The following LGI3 variants were observed in gnomAD, a reference collection of about 807,000 sequenced individuals.
LGI3 encodes leucine-rich repeat LGI family member 3.
A neutral mutation model predicts 55.4 loss-of-function variants in LGI3; 47 were observed. The observed-to-expected ratio is 0.85, with a 90% CI of 0.67 to 1.08. The LOEUF is 1.08. Ranked by LOEUF, LGI3 falls within the 50% of genes least tolerant of loss-of-function variation. LGI3 has a pLI of 0.00. For missense variants in LGI3, 664 were observed against 726.3 expected, an observed-to-expected ratio of 0.91 and a Z score of 0.99; for synonymous variants, 326 against 315.0, an observed-to-expected ratio of 1.04 and a Z score of -0.37.
Position 22,148,129 on chromosome 8 carries a change from A to G in LGI3, c.*31T>C, listed in dbSNP as rs1586405220. The G allele has an allele frequency of 3.9e-6, 6 of 1,536,330 alleles. No homozygotes were observed. The highest frequency in any genetic ancestry group is 5.3e-6 in the Non-Finnish European group (6 of 1,141,970). On this transcript the variant is annotated 3_prime_UTR_variant, in exon 8 of 8. Transcript: ENST00000306317. The surrounding 1 kb of genome is among the most constrained non-coding windows in gnomAD (Gnocchi z 7.0). ...GGCCCCCACCCATCCTCCAGTGGCC[A>G]CCCTGAGGAGACCAGAGGCCTCGGC...
intron 3 of LGI3, 80 bp from the exon 4 acceptor site, chr8:22,154,293 G>T: frequency 8.3e-7 from 1 of 1,200,472 alleles, no homozygotes; most frequent in Non-Finnish European, 1.2e-6. Context: ...CCCCAGCCTA[G>T]ATTTCAGCCC....
intron 2 of LGI3, 32 bp downstream of exon 2, chr8:22,155,360 C>A (rs755127020): frequency 6.2e-7 from 1 of 1,604,606 alleles, no homozygotes; most frequent in South Asian, 1.1e-5. Context: ...CCCCATAGTT[C>A]CCCCAACCCT....
Position 22,155,445 on chromosome 8 carries a change from G to A in LGI3, c.225C>T (p.Ala75=), listed in dbSNP as rs745814246. 6 of 1,613,736 alleles carry A rather than the reference G, an allele frequency of 3.7e-6. No individual in the cohort carries two copies. The highest frequency in any genetic ancestry group is 5.1e-6 in the Non-Finnish European group (6 of 1,180,002). Residue 75 remains alanine (A), a synonymous_variant, in exon 2 of 8, where the codon GCC becomes GCT. Coordinates refer to ENST00000306317, the MANE Select transcript of LGI3 (RefSeq NM_139278.4). ...EVISLTLVNA[A]FSEIQDGAFS... is the part of the protein sequence containing the mutation. The stretch of plus-strand genomic sequence containing the variant: ...ACGCTCCATCCTGGATCTCTGAGAA[G>A]GCGGCATTCACCAGGGTCCTGCGGG...
chr8:22,155,158 TC>T, intron 2 of LGI3: 3 of 559,748 alleles, frequency 5.4e-6, no homozygotes, highest in Non-Finnish European at 9.6e-6. Flanking sequence ...CATCCCCGCA[TC>T]CCACTTGCTT....
intron 1 of LGI3, 26 bp downstream of exon 1, chr8:22,156,311 C>A (rs373863751): frequency 3.7e-6 from 6 of 1,609,320 alleles, no homozygotes; most frequent in Non-Finnish European, 5.1e-6. Flanking sequence ...CCTCCCCAAC[C>A]CCCAAGGCCA....
rs775717889 is a variant in LGI3, at chr8:22,156,423, C to A, written c.120G>T (p.Pro40=). 1.9e-6 allele frequency: 3 copies of A among 1,585,138 alleles called. No individual in the cohort carries two copies. The highest frequency in any genetic ancestry group is 2.3e-5 in the South Asian group (2 of 88,006). ...TGTCCCTGGTGCAAGAGCAGCTGGG[C>A]GGGCAGGGGGGCGTCTTGGGGGGCC... The part of the protein sequence containing the change: ...AKRPPKTPPC[P]PSCSCTRDTA... The change falls in exon 1 of 8, where the codon CCG becomes CCT. Residue 40 remains proline (P), a synonymous_variant. Transcript: ENST00000306317.
In LGI3 at chr8:22,156,347, C is replaced by A; in HGVS notation, c.196G>T (p.Val66Phe). The change falls in exon 1 of 8, where the codon GTC (valine) becomes TTC (phenylalanine). Residue 66 changes from valine to phenylalanine, a missense_variant. Physicochemically the swap from Val to Phe is conservative, Grantham distance 50. Transcript: ENST00000306317. ...KAVPRNLPSE[V>F]ISLTLVNAAF... ...GGGCTGGACACTCACAGGGAGATGACCTCCGAGGGCAGGTTCCTGGGCACC... is the reference window on the plus strand; with the variant it reads ...GGGCTGGACACTCACAGGGAGATGAACTCCGAGGGCAGGTTCCTGGGCACC... 6.2e-7 allele frequency: 1 copy of A among 1,609,716 alleles called. No homozygotes were observed. The highest frequency in any genetic ancestry group is 8.5e-7 in the Non-Finnish European group (1 of 1,178,740).
chr8:22,147,964 C>T lies in LGI3; in HGVS notation c.*196G>A, dbSNP rs760665102. The T allele has an allele frequency of 3.4e-5, 19 of 553,604 alleles. No individual in the cohort carries two copies. Among genetic ancestry groups the T allele is most frequent in the Non-Finnish European group, 5.7e-5 (18 of 315,602 alleles). The allele number at this position is 553,604 out of a possible 1,614,324, so 34.3% of individuals were successfully genotyped here. A position where few individuals can be genotyped will look rare whatever the true frequency, so the allele number is the denominator to read the frequency against. ...AGGTGTCCCAGGGGTGCCTGGTGTT[C>T]ATGCTGATTGCAGTGATGATGCACG... On this transcript the variant is annotated 3_prime_UTR_variant, in exon 8 of 8. Transcript: ENST00000306317.
chr8:22,148,735 G>A lies in LGI3; in HGVS notation c.1072C>T (p.Arg358Cys), dbSNP rs755624693. ...GAGTAGAAGCCATTCTGGTGCCAGC[G>A]GTAGAGGCTGGTGGCGCCTGCCTTG... ...SSKAGATSLYRWHQNGFYSHQ... is the reference protein window; with the variant it reads ...SSKAGATSLYCWHQNGFYSHQ... Residue 358 changes from arginine (R) to cysteine (C), a missense_variant, in exon 8 of 8, where the codon CGC becomes TGC. By Grantham distance (180) the Arg-to-Cys change is radical (BLOSUM62 -3). Transcript: ENST00000306317. This position sits in a 1 kb window ranked among gnomAD's most constrained non-coding sequence, Gnocchi z 7.0. 1.2e-5 allele frequency: 20 copies of A among 1,614,060 alleles called. 1 individual carries two copies. Among genetic ancestry groups the A allele is most frequent in the East Asian group, 6.7e-5 (3 of 44,898 alleles).
chr8:22,156,619 G>T lies in LGI3; in HGVS notation c.-77C>A, dbSNP rs866142692. 520 of 414,862 alleles carry T rather than the reference G, an allele frequency of 1.3e-3. 4 individuals carry two copies. The highest frequency in any genetic ancestry group is 1.2e-4 in the Non-Finnish European group (32 of 270,348). The allele number at this position is 414,862 out of a possible 1,614,324, so 25.7% of individuals were successfully genotyped here. On this transcript the variant is annotated 5_prime_UTR_variant, in exon 1 of 8. Transcript: ENST00000306317. ...CTCCCGCGGCTGGGCCACCCCGCGC[G>T]GGCTGGCACCTCCCTGCCACCGGCA...
Position 22,148,919 on chromosome 8 carries a change from C to T in LGI3, c.888G>A (p.Val296=). The part of the protein sequence containing the change: ...MVVDSQLYVV[V]AQLFGGSYIY... ...TGTAAGAGCCGCCAAACAGCTGGGC[C>T]ACGACCACGTACAGCTGGCTGTCCA... Residue 296 remains valine (V), a synonymous_variant, in exon 8 of 8, where the codon GTG becomes GTA. Coordinates refer to ENST00000306317, the MANE Select transcript of LGI3 (RefSeq NM_139278.4). This position sits in a 1 kb window ranked among gnomAD's most constrained non-coding sequence, Gnocchi z 7.0. 6.2e-7 allele frequency: 1 copy of T among 1,614,094 alleles called. No homozygotes were observed. The highest frequency in any genetic ancestry group is 8.5e-7 in the Non-Finnish European group (1 of 1,180,012).
rs771686113 is a variant in LGI3, at chr8:22,148,800, C to T, written c.1007G>A (p.Arg336His). The T allele has an allele frequency of 1.8e-5, 29 of 1,614,056 alleles. No individual in the cohort carries two copies. Among genetic ancestry groups the T allele is most frequent in the South Asian group, 7.7e-5 (7 of 91,090 alleles). The change falls in exon 8 of 8, where the codon CGC (arginine) becomes CAC (histidine). Residue 336 changes from arginine to histidine, a missense_variant. Coordinates refer to ENST00000306317, the MANE Select transcript of LGI3 (RefSeq NM_139278.4). The surrounding 1 kb of genome is among the most constrained non-coding windows in gnomAD (Gnocchi z 7.0). The stretch of plus-strand genomic sequence containing the variant: ...GGCAAAGTACCAGTCACCGTCGATG[C>T]GGAAGGCTTCTAGGTCGTTAGGCTT... ...VRKPNDLEAF[R>H]IDGDWYFAVA...
rs1247202783 is a variant in LGI3 at position 22,147,648 on chromosome 8, T to A, written c.*512A>T. 6.2e-6 allele frequency: 1 copy of A among 162,186 alleles called. No individual in the cohort carries two copies. Among genetic ancestry groups the A allele is most frequent in the African/African-American group, 2.4e-5 (1 of 41,484 alleles). The allele number at this position is 162,186 out of a possible 1,614,324, so 10.0% of individuals were successfully genotyped here. On this transcript the variant is annotated 3_prime_UTR_variant, in exon 8 of 8. Transcript: ENST00000306317. ...GGCGTGTGAGTGTGTAATGAGTGTG[T>A]CCGTCCGCGTCCATGTGAGCATGCA...
At chr8:22,150,351 ATTTTTTTT>A (rs61084616) in intron 7 of LGI3, among the ~76,000 whole-genome samples, 1 of 72,568 alleles carries the variant, frequency 1.4e-5, no homozygotes, top group Admixed American at 2.0e-4. Flanking sequence ...TAAGCCTTCT[ATTTTTTTT>A]TTTTTTTTTT....
rs542687694 is a variant in LGI3 at position 22,156,697 on chromosome 8, C to G, written c.-155G>C. On this transcript the variant is annotated 5_prime_UTR_variant, in exon 1 of 8. Coordinates refer to ENST00000306317, the MANE Select transcript of LGI3 (RefSeq NM_139278.4). ...GCGGACTCCTCCTGCCCTCGGGCGCCGGCTGCGGTCCCCTCCCCTGCTCGC... is the reference window on the plus strand; with the variant it reads ...GCGGACTCCTCCTGCCCTCGGGCGCGGGCTGCGGTCCCCTCCCCTGCTCGC... 1,535 of 239,254 alleles carry G rather than the reference C, an allele frequency of 6.4e-3. 20 individuals carry two copies. The highest frequency in any genetic ancestry group is 0.03 in the African/African-American group (1,330 of 43,624). The allele number at this position is 239,254 out of a possible 1,614,324, so 14.8% of individuals were successfully genotyped here.
At position 22,156,728 on chromosome 8, in the gene LGI3, C is replaced by A. The variant is rs1421019841; in HGVS notation, c.-186G>T. The A allele has an allele frequency of 9.4e-6, 2 of 211,794 alleles. No individual in the cohort carries two copies. Among genetic ancestry groups the A allele is most frequent in the Admixed American group, 5.9e-5 (1 of 17,026 alleles). 13.1% of individuals were successfully genotyped at this position (211,794 alleles called of 1,614,324 possible). A position where few individuals can be genotyped will look rare whatever the true frequency, so the allele number is the denominator to read the frequency against. On this transcript the variant is annotated 5_prime_UTR_variant, in exon 1 of 8. Coordinates refer to ENST00000306317, the MANE Select transcript of LGI3 (RefSeq NM_139278.4). ...CGGTCCCCTCCCCTGCTCGCTCCCG[C>A]GATCCGGCTCGGGAGAGAAGAGCGG...
At position 22,151,666 on chromosome 8, in the gene LGI3, A is replaced by C. The variant is rs1827380268; in HGVS notation, c.665-13T>G. The C allele has an allele frequency of 6.2e-7, 1 of 1,612,972 alleles. No homozygotes were observed. Among genetic ancestry groups the C allele is most frequent in the African/African-American group, 1.3e-5 (1 of 74,890 alleles). ...TACAACACAAAATCTGCAAGATGAGAGGTGCGTTACTGAAGACCAGAGGGA... is the reference window on the plus strand; with the variant it reads ...TACAACACAAAATCTGCAAGATGAGCGGTGCGTTACTGAAGACCAGAGGGA... On this transcript the variant is annotated splice_polypyrimidine_tract_variant and intron_variant, in intron 6 of 7. Transcript: ENST00000306317.
At chr8:22,154,749 G>T (rs1157018458) in intron 2 of LGI3, 118 bp from the exon 3 acceptor site, 1 of 762,670 alleles carries the variant, frequency 1.3e-6, no homozygotes. Flanking sequence ...CTACCCCTGG[G>T]GACCCCATGG....
At position 22,148,465 on chromosome 8, in the gene LGI3, T is replaced by A; in HGVS notation, c.1342A>T (p.Ile448Phe). 1.2e-6 allele frequency: 2 copies of A among 1,612,210 alleles called. No individual in the cohort carries two copies. The highest frequency in any genetic ancestry group is 1.7e-6 in the Non-Finnish European group (2 of 1,179,888). Residue 448 changes from isoleucine to phenylalanine, a missense_variant, in exon 8 of 8, where the codon ATC becomes TTC. Ile to Phe is a conservative substitution (Grantham distance 21, BLOSUM62 0). Coordinates refer to ENST00000306317, the MANE Select transcript of LGI3 (RefSeq NM_139278.4). The surrounding 1 kb of genome is among the most constrained non-coding windows in gnomAD (Gnocchi z 7.0). ...AAGCGGGTACCCTCCCAGCGCAGGA[T>A]CTTGGAGTCGCCAATGTAGCGGCTG... ...CLSRYIGDSK[I>F]LRWEGTRFSE...
Sources: allele counts gnomAD v4.1 joint callset (sites outside exome capture counted in the v4.1 genomes callset), GRCh38; gene constraint gnomAD v4.1.1; non-coding constraint Gnocchi (gnomAD v3.1); transcripts MANE v1.5; gene names NCBI Gene and HGNC (gene_info 2026-07-23, HGNC 2026-07-21).